Variants in CDK14 observed in about 807,000 individuals in gnomAD.
The protein encoded by CDK14 is cyclin-dependent kinase 14.
CDK14 carries 34 observed loss-of-function variants against 60.7 expected under a neutral mutation model. The observed-to-expected ratio is 0.56, with a 90% CI of 0.43 to 0.75. CDK14 has a LOEUF of 0.75. Among genes scored for constraint, CDK14 ranks in the 30% least tolerant of loss-of-function variants. The pLI is 0.00. For synonymous variants in CDK14, 197 were observed against 203.7 expected (o/e 0.97, Z 0.28); for missense variants, 482 against 564.1 (o/e 0.85, Z 1.47).
At chr7:90,985,809 A>G (rs538978064) in intron 10 of CDK14, among the ~76,000 whole-genome samples, 73 of 152,162 alleles carry the variant, frequency 4.8e-4, no homozygotes, top group Non-Finnish European at 9.0e-4. Flanking sequence ...AACCATCCTC[A>G]AAGTGTTGTC....
chr7:90,776,552 C>T (rs768761244), intron 4 of CDK14, among the ~76,000 whole-genome samples: 2 of 152,168 alleles, frequency 1.3e-5, no homozygotes, highest in Non-Finnish European at 2.9e-5. Context: ...AAAGTTCACA[C>T]ACACAGGGGT....
intron 4 of CDK14, among the ~76,000 whole-genome samples, chr7:90,777,132 G>A (rs1805083286): frequency 6.6e-6 from 1 of 152,036 alleles, no homozygotes; most frequent in Admixed American, 6.5e-5. Context: ...TTTTAAAAAT[G>A]TTGCTAAATG....
At chr7:91,054,711 GGT>G (rs898231484) in intron 11 of CDK14, among the ~76,000 whole-genome samples, 23 of 152,122 alleles carry the variant, frequency 1.5e-4, no homozygotes, top group African/African-American at 5.3e-4. Context: ...CAGTATTGTG[GGT>G]GCTAAAGATG....
At chr7:91,013,780 T>C (rs916115037) in intron 10 of CDK14, among the ~76,000 whole-genome samples, 4 of 151,460 alleles carry the variant, frequency 2.6e-5, no homozygotes, top group African/African-American at 7.3e-5. Context: ...AAGCTTTATA[T>C]AACAGAATTA....
At chr7:91,072,458 A>G (rs1562892540) in intron 11 of CDK14, among the ~76,000 whole-genome samples, 1 of 152,178 alleles carries the variant, frequency 6.6e-6, no homozygotes, top group Non-Finnish European at 1.5e-5. Context: ...GAAAAAACAA[A>G]CAAACAAATA....
At position 90,992,253 on chromosome 7, in the gene CDK14, T is replaced by C. The variant is rs116048811; in HGVS notation, c.1041+8012T>C. The stretch of plus-strand genomic sequence containing the variant: ...CTTCTATTAAAAGACAACCTGTTTG[T>C]GACCCAGAGATTTGAATTAACTCAC... On this transcript the variant is annotated intron_variant, in intron 10 of 14. Transcript: ENST00000380050. Among the ~76,000 whole-genome samples the C allele has an allele frequency of 7.7e-3, 1,171 of 152,352 alleles. 19 individuals are homozygous for C. Among genetic ancestry groups the C allele is most frequent in the African/African-American group, 0.027 (1,130 of 41,582 alleles).
chr7:91,008,821 A>G (rs1157173777), intron 10 of CDK14, among the ~76,000 whole-genome samples: 3 of 152,136 alleles, frequency 2.0e-5, no homozygotes, highest in Admixed American at 1.3e-4. Flanking sequence ...TTACCTCTTT[A>G]TGTCATTCTT....
At chr7:90,852,162 G>T (rs1038875660) in intron 5 of CDK14, among the ~76,000 whole-genome samples, 1 of 152,148 alleles carries the variant, frequency 6.6e-6, no homozygotes, top group African/African-American at 2.4e-5. Context: ...CTTTCAAAAT[G>T]CTGGGATTAC....
intron 2 of CDK14, among the ~76,000 whole-genome samples, chr7:90,695,874 C>T (rs1199707444): frequency 1.3e-5 from 2 of 152,150 alleles, no homozygotes; most frequent in East Asian, 1.9e-4. Flanking sequence ...TCAGAGAGGT[C>T]GTACCTTGCT....
intron 4 of CDK14, 114 bp downstream of exon 4, chr7:90,747,889 C>A: frequency 2.8e-6 from 1 of 363,356 alleles, no homozygotes; most frequent in Non-Finnish European, 4.6e-6. Context: ...TTTCCTCCCT[C>A]ACGGTATCCT....
chr7:90,645,135 T>G (rs1024945066), intron 2 of CDK14, among the ~76,000 whole-genome samples: 2 of 152,180 alleles, frequency 1.3e-5, no homozygotes, highest in African/African-American at 4.8e-5. Context: ...AGATTAAGGG[T>G]TACATGTGTT....
chr7:91,039,452 A>T (rs373653707), intron 10 of CDK14, among the ~76,000 whole-genome samples: 1 of 152,254 alleles, frequency 6.6e-6, no homozygotes, highest in African/African-American at 2.4e-5. Context: ...AAAAAGATAC[A>T]TAAGGATGGC....
Position 91,187,765 on chromosome 7 carries a change from A to AT in CDK14, c.*29-19399dup, listed in dbSNP as rs1339213340. Among the ~76,000 whole-genome samples the AT allele has an allele frequency of 3.9e-5, 6 of 152,240 alleles. No homozygotes were observed. In the East Asian group the frequency reaches 1.2e-3, roughly 29 times the overall value. On this transcript the variant is annotated intron_variant, in intron 14 of 14. Transcript: ENST00000380050. ...CAGGCTTGAGGAGGCGGTGACTGAT[A>AT]TATGTAGGGTCCACAGATTGGTTCG... is the stretch of plus-strand genomic sequence containing the variant.
chr7:90,806,971 A>G (rs1343488112), intron 5 of CDK14, among the ~76,000 whole-genome samples: 1 of 152,204 alleles, frequency 6.6e-6, no homozygotes, highest in Non-Finnish European at 1.5e-5. Flanking sequence ...GTGGCCAGGA[A>G]GCTCAAACTG....
rs114584187 is a variant in CDK14 at position 90,711,929 on chromosome 7, G to A, written c.124-14638G>A. Among the ~76,000 whole-genome samples, 698 of 129,530 alleles carry A rather than the reference G, an allele frequency of 5.4e-3. 3 individuals carry two copies. The highest frequency in any genetic ancestry group is 0.018 in the African/African-American group (628 of 34,990). The allele number at this position is 129,530 out of a possible 152,430, so 85.0% of individuals were successfully genotyped here. On this transcript the variant is annotated intron_variant, in intron 2 of 14. Transcript: ENST00000380050. ...ATTGAGCCGAGGGTCTCACTATGTT[G>A]GCCAGGTTTGTCTTGAGCTCCTGGA...
chr7:91,013,656 G>GGTTTTTTT (rs1562868451), intron 10 of CDK14, among the ~76,000 whole-genome samples: 1 of 123,384 alleles, frequency 8.1e-6, no homozygotes, highest in Non-Finnish European at 1.7e-5. Flanking sequence ...CATTGCCTCT[G>GGTTTTTTT]TTTTTTTTTT....
intron 6 of CDK14, among the ~76,000 whole-genome samples, chr7:90,867,534 G>A (rs780275800): frequency 6.6e-6 from 1 of 152,070 alleles, no homozygotes; most frequent in African/African-American, 2.4e-5. Context: ...TAAGAGCAAA[G>A]CATGTGTAGC....
At chr7:90,725,152 C>G (rs901785421) in intron 2 of CDK14, among the ~76,000 whole-genome samples, 2 of 152,134 alleles carry the variant, frequency 1.3e-5, no homozygotes, top group Admixed American at 6.5e-5. Context: ...TTTAATTATA[C>G]ATGCTTTTCT....
chr7:90,981,803 G>GAAACAAAACAAAACAAAACAAA, intron 9 of CDK14, among the ~76,000 whole-genome samples: 1 of 148,608 alleles, frequency 6.7e-6, no homozygotes, highest in East Asian at 2.0e-4. Context: ...GAGAGTTCTA[G>GAAACAAAACAAAACAAAACAAA]AAACAAAACA....
Sources: allele counts gnomAD v4.1 joint callset (sites outside exome capture counted in the v4.1 genomes callset), GRCh38; gene constraint gnomAD v4.1.1; transcripts MANE v1.5; gene names NCBI Gene and HGNC (gene_info 2026-07-23, HGNC 2026-07-21).